Variants in PTCHD4 observed in about 807,000 individuals in gnomAD.
The protein encoded by PTCHD4 is patched domain-containing protein 4.
Under a neutral mutation model 58.1 loss-of-function variants are expected in PTCHD4, and 33 were observed. The ratio of observed to expected loss-of-function variants is 0.57; its 90% CI spans 0.43 to 0.76. The LOEUF (loss-of-function observed/expected upper bound fraction) is 0.76. PTCHD4 is among the 30% of genes least tolerant of loss of function. PTCHD4 has a pLI of 0.00. For synonymous variants in PTCHD4, 478 were observed against 409.6 expected (o/e 1.17, Z -2.02); for missense variants, 1,058 against 1,027.1 (o/e 1.03, Z -0.41).
Position 48,069,145 on chromosome 6 carries a change from G to T in PTCHD4, c.-188C>A, listed in dbSNP as rs1184062482. On this transcript the variant is annotated 5_prime_UTR_variant, in exon 2 of 5. Coordinates refer to ENST00000339488, the MANE Select transcript of PTCHD4 (RefSeq NM_001384253.1). The stretch of plus-strand genomic sequence containing the variant: ...AGCAGACATGTGCCCCATAAAGGGG[G>T]GGGGGGCTGAGGGGGGGAGAGGAGG... Among the ~76,000 whole-genome samples the T allele has an allele frequency of 4.2e-5, 6 of 141,792 alleles. No homozygotes were observed. In the East Asian group the frequency reaches 1.3e-3, roughly 30 times the overall value. 93.0% of individuals were successfully genotyped at this position (141,792 alleles called of 152,430 possible).
chr6:47,893,538 G>A (rs1764443234), intron 4 of PTCHD4, among the ~76,000 whole-genome samples: 2 of 152,122 alleles, frequency 1.3e-5, no homozygotes, highest in South Asian at 4.1e-4. Context: ...CAGGCTATGT[G>A]GGTTTACATT....
In PTCHD4 at chr6:48,083,454, G is replaced by A. The variant is rs1765203252; in HGVS notation, c.-969-13528C>T. Reference sequence around the variant, plus strand: ...AATCACATTTGCTTAGTTGGATATGGTAGGCAGAATAATGGCCCTAGATAT... The same window carrying A: ...AATCACATTTGCTTAGTTGGATATGATAGGCAGAATAATGGCCCTAGATAT... On this transcript the variant is annotated intron_variant, in intron 1 of 4. Transcript: ENST00000339488. 2.6e-5 allele frequency among the ~76,000 whole-genome samples: 4 copies of A among 152,232 alleles called. No homozygotes were observed. In the South Asian group the frequency reaches 6.2e-4, roughly 24 times the overall value.
chr6:47,983,780 G>A (rs1767970764), intron 4 of PTCHD4, among the ~76,000 whole-genome samples: 2 of 152,186 alleles, frequency 1.3e-5, no homozygotes, highest in African/African-American at 4.8e-5. Context: ...AGGCTAATCT[G>A]TCAGTCCAGT....
At chr6:47,944,465 G>A (rs1165448236) in intron 4 of PTCHD4, among the ~76,000 whole-genome samples, 1 of 152,084 alleles carries the variant, frequency 6.6e-6, no homozygotes, top group Admixed American at 6.6e-5. Context: ...CAGCAGAGCA[G>A]ATGGCAATAA....
intron 4 of PTCHD4, among the ~76,000 whole-genome samples, chr6:47,913,017 A>G (rs1477207450): frequency 6.6e-6 from 1 of 152,100 alleles, no homozygotes; most frequent in Admixed American, 6.6e-5. Context: ...GTTCTGAGTG[A>G]CCAGCACTGC....
intron 3 of PTCHD4, among the ~76,000 whole-genome samples, chr6:48,010,403 A>C (rs558571139): frequency 6.6e-6 from 1 of 152,150 alleles, no homozygotes; most frequent in Non-Finnish European, 1.5e-5. Flanking sequence ...TAGCAGACAC[A>C]TGTCTTAATT....
intron 3 of PTCHD4, among the ~76,000 whole-genome samples, chr6:48,048,018 T>TAAA (rs34442679): frequency 3.1e-5 from 4 of 127,736 alleles, no homozygotes; most frequent in African/African-American, 8.6e-5. Context: ...AGCATTCTAG[T>TAAA]AAAAAAAAAA....
chr6:47,893,802 G>C (rs16876765), intron 4 of PTCHD4, among the ~76,000 whole-genome samples: 9,633 of 152,276 alleles, frequency 0.063, 362 homozygotes, highest in Middle Eastern at 0.099. Context: ...GCCTAGAGCA[G>C]AGTTTTAAAG....
At chr6:48,107,496 C>A (rs1480649138) in intron 1 of PTCHD4, among the ~76,000 whole-genome samples, 1 of 151,982 alleles carries the variant, frequency 6.6e-6, no homozygotes, top group Non-Finnish European at 1.5e-5. Flanking sequence ...CCATAAAAAC[C>A]CTAGAAGAAA....
rs1436164095 is a variant in PTCHD4 at position 47,878,837 on chromosome 6, G to C, written c.1998C>G (p.Leu666=). The C allele has an allele frequency of 6.2e-7, 1 of 1,613,654 alleles. No individual in the cohort carries two copies. Among genetic ancestry groups the C allele is most frequent in the East Asian group, 2.2e-5 (1 of 44,844 alleles). Reference sequence around the variant, plus strand: ...GGAAAAAAGTCAGGATTAACACCAGGAGAACACCAAAGCCTGCAATCAGAA... The same window carrying C: ...GGAAAAAAGTCAGGATTAACACCAGCAGAACACCAAAGCCTGCAATCAGAA... ...VPVLIAGFGV[L]LVLILTFFLV... is the part of the protein sequence containing the mutation. The change falls in exon 5 of 5, where the codon CTC becomes CTG. Residue 666 remains leucine (L), a synonymous_variant. Transcript: ENST00000339488.
intron 1 of PTCHD4, among the ~76,000 whole-genome samples, chr6:48,094,227 A>T (rs1765419140): frequency 6.6e-6 from 1 of 152,210 alleles, no homozygotes; most frequent in Admixed American, 6.5e-5. Context: ...AAAGGCACAA[A>T]AAAGAAAGTT....
chr6:47,971,408 C>T (rs1767505640), intron 4 of PTCHD4, among the ~76,000 whole-genome samples: 1 of 152,032 alleles, frequency 6.6e-6, no homozygotes, highest in African/African-American at 2.4e-5. Flanking sequence ...TGCTGTGTAC[C>T]CAGCAGAAGA....
At position 48,007,272 on chromosome 6, in the gene PTCHD4, C is replaced by T. The variant is rs140026018; in HGVS notation, c.898+1362G>A. ...AAAAGAAAAGAAAAAAGAAGATGAA[C>T]TAACAACTTAACATGGCCACAATGA... On this transcript the variant is annotated intron_variant, in intron 4 of 4. Transcript: ENST00000339488. Among the ~76,000 whole-genome samples the T allele has an allele frequency of 1.5e-4, 23 of 152,106 alleles. No homozygotes were observed. In the East Asian group the frequency reaches 3.9e-3, roughly 26 times the overall value.
intron 4 of PTCHD4, among the ~76,000 whole-genome samples, chr6:48,006,897 C>T (rs1230854985): frequency 6.6e-6 from 1 of 152,134 alleles, no homozygotes; most frequent in African/African-American, 2.4e-5. Context: ...GTTTTTGAAA[C>T]TGACATCATT....
At chr6:47,929,240 A>G (rs1404811899) in intron 4 of PTCHD4, among the ~76,000 whole-genome samples, 1 of 152,234 alleles carries the variant, frequency 6.6e-6, no homozygotes, top group African/African-American at 2.4e-5. Flanking sequence ...TACCAAAATG[A>G]AAACGTTCAT....
chr6:48,049,566 C>A (rs1375521984), intron 3 of PTCHD4, among the ~76,000 whole-genome samples: 1 of 151,940 alleles, frequency 6.6e-6, no homozygotes, highest in Non-Finnish European at 1.5e-5. Flanking sequence ...CTGATTCCAA[C>A]CTTTGTTTTT....
At chr6:47,920,532 C>T (rs186278134) in intron 4 of PTCHD4, among the ~76,000 whole-genome samples, 50 of 152,200 alleles carry the variant, frequency 3.3e-4, no homozygotes, top group Middle Eastern at 3.4e-3. Flanking sequence ...AAGAAGAGTT[C>T]AAGATAAAAA....
chr6:48,067,813 T>A (rs1338331550), intron 3 of PTCHD4, among the ~76,000 whole-genome samples: 1 of 152,148 alleles, frequency 6.6e-6, no homozygotes, highest in African/African-American at 2.4e-5. Context: ...AACTTTTGTT[T>A]TCATTTTTCT....
At chr6:48,077,066 A>C (rs998503290) in intron 1 of PTCHD4, among the ~76,000 whole-genome samples, 5 of 152,228 alleles carry the variant, frequency 3.3e-5, no homozygotes, top group African/African-American at 1.2e-4. Context: ...CTGCTTTAAC[A>C]AGTGAGCAGT....
Sources: gnomAD v4.1 joint callset for allele counts (sites outside exome capture counted in the v4.1 genomes callset) on GRCh38, gnomAD v4.1.1 for gene constraint, MANE v1.5 for transcripts, NCBI Gene and HGNC (gene_info 2026-07-23, HGNC 2026-07-21) for gene names.